Variants in LAMA2 observed in about 807,000 individuals in gnomAD.
The protein encoded by LAMA2 is laminin subunit alpha-2.
LAMA2 carries 269 observed loss-of-function variants against 364.8 expected under a neutral mutation model. The observed-to-expected ratio is 0.74, with a 90% CI of 0.67 to 0.82. The LOEUF (loss-of-function observed/expected upper bound fraction) is 0.82, where lower values mean the gene tolerates loss of function less well. Ranked by LOEUF, LAMA2 falls within the 40% of genes least tolerant of loss-of-function variation. The pLI, the probability that LAMA2 is intolerant of heterozygous loss-of-function variation, is 0.00. For missense variants in LAMA2, 3,807 were observed against 3,873.2 expected, an observed-to-expected ratio of 0.98 and a Z score of 0.45; for synonymous variants, 1,379 against 1,370.6, an observed-to-expected ratio of 1.01 and a Z score of -0.14.
At chr6:129,069,941 G>T in intron 3 of LAMA2, among the ~76,000 whole-genome samples, 1 of 151,492 alleles carries the variant, frequency 6.6e-6, no homozygotes, top group Middle Eastern at 3.2e-3. Context: ...TATTTGAATT[G>T]TGAGACAGCA....
chr6:129,345,373 G>A (rs1200938789), intron 30 of LAMA2, among the ~76,000 whole-genome samples: 4 of 152,150 alleles, frequency 2.6e-5, no homozygotes, highest in African/African-American at 9.7e-5. Flanking sequence ...CACTCTCAGA[G>A]TCATTGATGA....
intron 7 of LAMA2, among the ~76,000 whole-genome samples, chr6:129,149,613 T>C (rs1778675839): frequency 6.6e-6 from 1 of 152,176 alleles, no homozygotes; most frequent in Admixed American, 6.5e-5. Flanking sequence ...GTGTCAGACA[T>C]GACAGGTCTT....
intron 1 of LAMA2, among the ~76,000 whole-genome samples, chr6:129,015,372 A>G (rs1395582123): frequency 1.3e-5 from 2 of 152,114 alleles, no homozygotes; most frequent in African/African-American, 2.4e-5. Flanking sequence ...ACCCCATAAG[A>G]CAGGAAAGAT....
chr6:128,994,831 CTATTA>C (rs896442234), intron 1 of LAMA2, among the ~76,000 whole-genome samples: 3 of 151,892 alleles, frequency 2.0e-5, no homozygotes, highest in Non-Finnish European at 4.4e-5. Context: ...AACATTAATT[CTATTA>C]TATTTAACAT....
In LAMA2 at chr6:129,314,749, T is replaced by C. The variant is rs1237194595; in HGVS notation, c.3506T>C (p.Phe1169Ser). ...NPLGCSSCYC[F>S]GTTTQCSEAK... ...CTTGGCTGCAGCAGCTGCTATTGCTTCGGCACTACTACCCAGTGCTCTGAA... is the reference window on the plus strand; with the variant it reads ...CTTGGCTGCAGCAGCTGCTATTGCTCCGGCACTACTACCCAGTGCTCTGAA... Residue 1169 changes from phenylalanine (F) to serine (S), a missense_variant, in exon 24 of 65, where the codon TTC becomes TCC. Transcript: ENST00000421865. 6.2e-7 allele frequency: 1 copy of C among 1,613,946 alleles called. No homozygotes were observed. Among genetic ancestry groups the C allele is most frequent in the Non-Finnish European group, 8.5e-7 (1 of 1,180,046 alleles).
chr6:128,907,827 G>A (rs967303958), intron 1 of LAMA2, among the ~76,000 whole-genome samples: 1 of 152,168 alleles, frequency 6.6e-6, no homozygotes, highest in African/African-American at 2.4e-5. Context: ...CTAATTTATT[G>A]AGAGTTTTTA....
intron 2 of LAMA2, among the ~76,000 whole-genome samples, chr6:129,058,313 T>G (rs1281197790): frequency 6.6e-6 from 1 of 152,176 alleles, no homozygotes. Flanking sequence ...GTGAGACACA[T>G]GGAGCTAAAA....
chr6:128,961,375 A>G (rs1306044781), intron 1 of LAMA2, among the ~76,000 whole-genome samples: 2 of 102,148 alleles, frequency 2.0e-5, no homozygotes, highest in East Asian at 2.8e-4. Context: ...ATATTAGTTT[A>G]TTAAGTATTA....
chr6:129,033,233 A>C (rs760859053), intron 1 of LAMA2, among the ~76,000 whole-genome samples: 22 of 152,210 alleles, frequency 1.4e-4, no homozygotes, highest in Non-Finnish European at 2.4e-4. Context: ...AAAAAAAAGA[A>C]AAGAATGAAG....
intron 4 of LAMA2, among the ~76,000 whole-genome samples, chr6:129,116,996 GAACAA>G (rs1776518104): frequency 2.0e-5 from 3 of 152,124 alleles, no homozygotes; most frequent in African/African-American, 7.2e-5. Flanking sequence ...AAATTTCACT[GAACAA>G]AATAAAATAA....
At chr6:128,913,443 CTT>C (rs1461291138) in intron 1 of LAMA2, among the ~76,000 whole-genome samples, 1 of 152,292 alleles carries the variant, frequency 6.6e-6, no homozygotes, top group South Asian at 2.1e-4. Flanking sequence ...CTGGCTGTGA[CTT>C]TTCATAAATG....
intron 40 of LAMA2, among the ~76,000 whole-genome samples, chr6:129,424,163 T>A (rs972239622): frequency 1.3e-5 from 2 of 152,002 alleles, no homozygotes; most frequent in African/African-American, 4.8e-5. Context: ...TGAATATCCA[T>A]GAACAACAAC....
intron 1 of LAMA2, among the ~76,000 whole-genome samples, chr6:129,010,741 C>T (rs2114694440): frequency 6.6e-6 from 1 of 152,274 alleles, no homozygotes; most frequent in East Asian, 1.9e-4. Flanking sequence ...TCTATCACTC[C>T]TACTTGTCCA....
At chr6:129,079,866 C>A (rs1773928921) in intron 3 of LAMA2, among the ~76,000 whole-genome samples, 1 of 152,072 alleles carries the variant, frequency 6.6e-6, no homozygotes, top group South Asian at 2.1e-4. Context: ...TATATCCTTT[C>A]TAAATTTGGC....
At chr6:129,099,782 A>T (rs1775411795) in intron 4 of LAMA2, among the ~76,000 whole-genome samples, 1 of 152,188 alleles carries the variant, frequency 6.6e-6, no homozygotes, top group African/African-American at 2.4e-5. Context: ...ATGTTCAAAA[A>T]TACCAGTTTT....
intron 1 of LAMA2, among the ~76,000 whole-genome samples, chr6:128,904,411 G>A (rs1203707700): frequency 6.6e-6 from 1 of 150,958 alleles, no homozygotes; most frequent in African/African-American, 2.4e-5. Flanking sequence ...GAAATATGTG[G>A]AGGTTGGATT....
chr6:129,474,775 A>T (rs752397992), intron 52 of LAMA2, among the ~76,000 whole-genome samples: 44 of 152,194 alleles, frequency 2.9e-4, no homozygotes, highest in Non-Finnish European at 5.3e-4. Flanking sequence ...AATCTGTTAA[A>T]ATCTGAATCT....
At chr6:129,342,236 A>T in intron 29 of LAMA2, 107 bp from the exon 30 acceptor site, 1 of 894,906 alleles carries the variant, frequency 1.1e-6, no homozygotes, top group Non-Finnish European at 1.8e-6. Context: ...TGTGTAAGAA[A>T]GTATATGTGT....
intron 37 of LAMA2, among the ~76,000 whole-genome samples, chr6:129,400,291 T>C (rs764294060): frequency 1.5e-4 from 23 of 152,200 alleles, no homozygotes; most frequent in Non-Finnish European, 3.2e-4. Flanking sequence ...TTTCAACATA[T>C]GAATTTTCAG....
Sources: allele counts gnomAD v4.1 joint callset (sites outside exome capture counted in the v4.1 genomes callset), GRCh38; gene constraint gnomAD v4.1.1; transcripts MANE v1.5; gene names NCBI Gene and HGNC (gene_info 2026-07-23, HGNC 2026-07-21).